TLN2: variants seen among roughly 807,000 people sequenced by gnomAD.
The protein encoded by TLN2 is talin 2.
TLN2 carries 118 observed loss-of-function variants against 294.7 expected under a neutral mutation model. That is an observed-to-expected ratio of 0.40 (90% CI 0.34 to 0.47). The LOEUF is 0.47. TLN2 is among the 20% of genes least tolerant of loss of function. The pLI is 0.84. For synonymous variants in TLN2, 1,431 were observed against 1,304.5 expected (o/e 1.10, Z -2.09); for missense variants, 3,083 against 3,282.2 (o/e 0.94, Z 1.48).
At chr15:62,641,717 G>T (rs1230511340) in intron 3 of TLN2, among the ~76,000 whole-genome samples, 1 of 152,112 alleles carries the variant, frequency 6.6e-6, no homozygotes, top group Non-Finnish European at 1.5e-5. Flanking sequence ...GATCTTATAG[G>T]TAGATCTGTT....
At chr15:62,492,385 C>T (rs2038785616) in intron 1 of TLN2, among the ~76,000 whole-genome samples, 1 of 151,726 alleles carries the variant, frequency 6.6e-6, no homozygotes. Flanking sequence ...GGTGAAACCC[C>T]GTCTCTAATA....
At chr15:62,688,884 T>C (rs550026857) in intron 12 of TLN2, among the ~76,000 whole-genome samples, 1 of 152,278 alleles carries the variant, frequency 6.6e-6, no homozygotes, top group East Asian at 1.9e-4. Context: ...TCAACTTGCA[T>C]ATACTGTTAT....
At chr15:62,457,323 A>G (rs2036541160) in intron 1 of TLN2, among the ~76,000 whole-genome samples, 1 of 152,142 alleles carries the variant, frequency 6.6e-6, no homozygotes, top group Non-Finnish European at 1.5e-5. Context: ...ACAGGGCACT[A>G]ACCTCATCAT....
At chr15:62,825,304 C>CG (rs1679235201) in intron 54 of TLN2, among the ~76,000 whole-genome samples, 2 of 152,080 alleles carry the variant, frequency 1.3e-5, no homozygotes, top group South Asian at 4.1e-4. Context: ...CAAGTTATTA[C>CG]GAACAAAGAA....
intron 1 of TLN2, among the ~76,000 whole-genome samples, chr15:62,474,609 C>T (rs923549045): frequency 6.6e-6 from 1 of 152,168 alleles, no homozygotes; most frequent in Non-Finnish European, 1.5e-5. Flanking sequence ...CCATTGTCCT[C>T]CAGCCAGGAC....
intron 54 of TLN2, among the ~76,000 whole-genome samples, chr15:62,825,844 TAA>T (rs1238136379): frequency 2.8e-4 from 22 of 77,660 alleles, no homozygotes; most frequent in Admixed American, 8.6e-4. Context: ...ATAATATATA[TAA>T]ATATATTATA....
In TLN2 at chr15:62,739,524, T is replaced by C. The variant is rs753651581; in HGVS notation, c.3864T>C (p.Ile1288=). ...TTGATGAATTCCTCGATGCTGGCAT[T>C]GAGATGGCTGGCCAAGCTCAGGTGG... The part of the protein sequence containing the change: ...DDFDEFLDAG[I]EMAGQAQTKE... Residue 1288 remains isoleucine (I), a synonymous_variant, in exon 31 of 59, where the codon ATT becomes ATC. Transcript: ENST00000636159. The C allele has an allele frequency of 1.2e-5, 20 of 1,614,098 alleles. No homozygotes were observed. The highest frequency in any genetic ancestry group is 1.6e-5 in the Non-Finnish European group (19 of 1,180,038).
At chr15:62,829,658 A>G (rs1467782674) in intron 54 of TLN2, 2 of 152,170 alleles carry the variant, frequency 1.3e-5, no homozygotes, top group East Asian at 1.9e-4. Flanking sequence ...AAACAATCCA[A>G]TTACACTGTT....
intron 3 of TLN2, among the ~76,000 whole-genome samples, chr15:62,641,665 TA>T (rs11320266): frequency 0.79 from 119,881 of 152,066 alleles, 48,567 homozygotes; most frequent in Admixed American, 0.88. Context: ...AGCCCTTACC[TA>T]AGCCTTTTCT....
intron 42 of TLN2, among the ~76,000 whole-genome samples, chr15:62,774,043 A>T (rs1028670599): frequency 7.2e-5 from 11 of 151,876 alleles, no homozygotes; most frequent in Non-Finnish European, 1.2e-4. Context: ...CTTCTGCGGC[A>T]TCCTTGATGG....
intron 46 of TLN2, 87 bp from the exon 47 acceptor site, chr15:62,796,040 G>A (rs549619730): frequency 6.6e-7 from 1 of 1,516,664 alleles, no homozygotes; most frequent in South Asian, 1.3e-5. Context: ...TCAACTCCTA[G>A]GAGAGAATTC....
chr15:62,490,636 G>T (rs780143), intron 1 of TLN2, among the ~76,000 whole-genome samples: 21,541 of 151,884 alleles, frequency 0.14, 2,177 homozygotes, highest in African/African-American at 0.28. Flanking sequence ...TCGGTGTTGT[G>T]TGTGTTCTTA....
rs560154948 is a variant in TLN2 at position 62,774,610 on chromosome 15, C to T, written c.5368-2154C>T. ...GAGGAGGCTTCATAGAAGAGGTAGA[C>T]GTTGAGCTGACCCTCTAAGAATCTG... On this transcript the variant is annotated intron_variant, in intron 42 of 58. Transcript: ENST00000636159. Among the ~76,000 whole-genome samples, 4 of 152,234 alleles carry T rather than the reference C, an allele frequency of 2.6e-5. No individual in the cohort carries two copies. The East Asian group carries it at 5.8e-4, about 22-fold the overall frequency.
chr15:62,455,286 A>T (rs1350688475), intron 1 of TLN2, among the ~76,000 whole-genome samples: 2 of 151,922 alleles, frequency 1.3e-5, no homozygotes, highest in Non-Finnish European at 2.9e-5. Context: ...AGGGGACGTG[A>T]TGGGGAACTC....
intron 54 of TLN2, among the ~76,000 whole-genome samples, chr15:62,822,486 C>A (rs2067655955): frequency 6.6e-6 from 1 of 152,198 alleles, no homozygotes; most frequent in African/African-American, 2.4e-5. Flanking sequence ...CTCATCTGAT[C>A]CTTGGAAAAA....
intron 40 of TLN2, among the ~76,000 whole-genome samples, chr15:62,764,809 A>C (rs2062890584): frequency 6.6e-6 from 1 of 151,962 alleles, no homozygotes; most frequent in Admixed American, 6.6e-5. Flanking sequence ...TCTACCAAAA[A>C]TACAAAAATT....
chr15:62,569,364 G>T (rs1259401683), intron 1 of TLN2, among the ~76,000 whole-genome samples: 2 of 152,176 alleles, frequency 1.3e-5, no homozygotes, highest in African/African-American at 4.8e-5. Context: ...AAGACCAAAG[G>T]GTCCCCTCTG....
chr15:62,607,655 T>C (rs1177142703), intron 2 of TLN2, among the ~76,000 whole-genome samples: 1 of 152,208 alleles, frequency 6.6e-6, no homozygotes, highest in African/African-American at 2.4e-5. Context: ...TTTTGGTTTT[T>C]AGCTGTGATT....
At chr15:62,639,893 C>A (rs2050814126) in intron 3 of TLN2, among the ~76,000 whole-genome samples, 1 of 152,196 alleles carries the variant, frequency 6.6e-6, no homozygotes, top group South Asian at 2.1e-4. Flanking sequence ...AAATGGGATG[C>A]CCTGCTTCCT....
Sources: allele counts gnomAD v4.1 joint callset (sites outside exome capture counted in the v4.1 genomes callset), GRCh38; gene constraint gnomAD v4.1.1; transcripts MANE v1.5; gene names NCBI Gene and HGNC (gene_info 2026-07-23, HGNC 2026-07-21).